The following RIN2 variants were observed in gnomAD, a reference collection of about 807,000 sequenced individuals.
RIN2 encodes the protein RAB5 interacting protein 2.
In RIN2, 36 loss-of-function variants were observed where a neutral mutation model predicts 78.0. That is an observed-to-expected ratio of 0.46 (90% CI 0.35 to 0.61). The LOEUF is 0.61. RIN2 is among the 20% of genes least tolerant of loss of function. RIN2 has a pLI of 0.00. For synonymous variants in RIN2, 466 were observed against 466.8 expected (o/e 1.00, Z 0.02); for missense variants, 1,087 against 1,159.7 (o/e 0.94, Z 0.91).
chr20:19,956,824 C>T lies in RIN2; in HGVS notation c.351+17C>T, dbSNP rs377731393. 2.3e-5 allele frequency: 36 copies of T among 1,532,588 alleles called. No individual in the cohort carries two copies. The highest frequency in any genetic ancestry group is 3.6e-4 in the Middle Eastern group (2 of 5,626). 94.9% of individuals were successfully genotyped at this position (1,532,588 alleles called of 1,614,324 possible). A position where few individuals can be genotyped will look rare whatever the true frequency, so the allele number is the denominator to read the frequency against. On this transcript the variant is annotated intron_variant, in intron 5 of 12. Coordinates refer to ENST00000255006, the MANE Select transcript of RIN2 (RefSeq NM_018993.4). ...CCTCCGGGGGTAAGACTCAGAACCTCGGGAAGCAGGTTGAAGCAGGCAGGA... is the reference window on the plus strand; with the variant it reads ...CCTCCGGGGGTAAGACTCAGAACCTTGGGAAGCAGGTTGAAGCAGGCAGGA...
chr20:19,903,473 A>C (rs1037089131), intron 3 of RIN2, among the ~76,000 whole-genome samples: 2 of 152,036 alleles, frequency 1.3e-5, no homozygotes, highest in African/African-American at 4.8e-5. Context: ...TTCTCATTCT[A>C]CTTCCAGATT....
intron 4 of RIN2, among the ~76,000 whole-genome samples, chr20:19,955,597 A>G (rs1280363805): frequency 2.0e-5 from 3 of 152,140 alleles, no homozygotes; most frequent in African/African-American, 4.8e-5. Context: ...TCAACCTCCC[A>G]AAGTGCTGGG....
intron 11 of RIN2, among the ~76,000 whole-genome samples, chr20:19,995,933 G>A (rs2042947336): frequency 1.3e-5 from 2 of 152,142 alleles, no homozygotes; most frequent in Admixed American, 6.5e-5. Flanking sequence ...ACTGGCCTTG[G>A]ATCACCTCAC....
In RIN2 at chr20:19,944,002, T is replaced by TTTA. The variant is rs1491240507; in HGVS notation, c.158+8803_158+8804insTTA. Among the ~76,000 whole-genome samples, 3 of 134,260 alleles carry TTTA rather than the reference T, an allele frequency of 2.2e-5. No individual in the cohort carries two copies. In the Admixed American group the frequency reaches 2.2e-4, roughly 10 times the overall value. The allele number at this position is 134,260 out of a possible 152,430, so 88.1% of individuals were successfully genotyped here. The stretch of plus-strand genomic sequence containing the variant: ...TTTTTTTTTTTTTTTTTTTTTTTTT[T>TTTA]ACCTATAACTAGACTCAAGTTCTGA... On this transcript the variant is annotated intron_variant, in intron 4 of 12. Transcript: ENST00000255006.
At chr20:19,958,686 T>C (rs1482297978) in intron 5 of RIN2, among the ~76,000 whole-genome samples, 1 of 152,168 alleles carries the variant, frequency 6.6e-6, no homozygotes, top group African/African-American at 2.4e-5. Flanking sequence ...CTGGCCAACA[T>C]GGCGAAACCC....
chr20:19,905,558 A>G (rs903450264), intron 3 of RIN2, among the ~76,000 whole-genome samples: 6 of 152,164 alleles, frequency 3.9e-5, no homozygotes, highest in African/African-American at 1.4e-4. Context: ...CCCCATCTCT[A>G]TTTATAAAGA....
chr20:19,980,876 T>C (rs1276793590), intron 9 of RIN2, among the ~76,000 whole-genome samples: 2 of 152,168 alleles, frequency 1.3e-5, no homozygotes, highest in Non-Finnish European at 2.9e-5. Flanking sequence ...GCCCCCACTC[T>C]CTTCTCGCAG....
intron 2 of RIN2, among the ~76,000 whole-genome samples, chr20:19,854,020 C>A (rs1316539095): frequency 3.3e-5 from 5 of 152,082 alleles, no homozygotes; most frequent in East Asian, 1.9e-4. Context: ...TAGGTCTAAC[C>A]TTTAAGTCTT....
At chr20:19,766,147 C>A (rs1015860871) in intron 1 of RIN2, among the ~76,000 whole-genome samples, 1 of 152,152 alleles carries the variant, frequency 6.6e-6, no homozygotes, top group African/African-American at 2.4e-5. Flanking sequence ...GGGCACCCAC[C>A]CATCCTCTCT....
chr20:19,799,583 T>C (rs1568762282), intron 1 of RIN2, 39 bp from the exon 2 acceptor site: 2 of 152,156 alleles, frequency 1.3e-5, no homozygotes, highest in Admixed American at 6.5e-5. Flanking sequence ...GTTTTTAATA[T>C]ACATACAAAA....
rs575679828 is a variant in RIN2 at position 19,808,653 on chromosome 20, C to T, written c.-37+8906C>T. 2.6e-3 allele frequency among the ~76,000 whole-genome samples: 403 copies of T among 152,314 alleles called. 2 individuals are homozygous for T. Among genetic ancestry groups the T allele is most frequent in the Non-Finnish European group, 4.8e-3 (329 of 68,028 alleles). ...CAGAGACAGAACACTCCGCAGGGTT[C>T]CGGTTAGCTGTCCACAGGTCACTGG... is the stretch of plus-strand genomic sequence containing the variant. On this transcript the variant is annotated intron_variant, in intron 2 of 12. Coordinates refer to ENST00000255006, the MANE Select transcript of RIN2 (RefSeq NM_018993.4).
chr20:19,820,702 G>C (rs1028033204), intron 2 of RIN2, among the ~76,000 whole-genome samples: 1 of 152,108 alleles, frequency 6.6e-6, no homozygotes, highest in Admixed American at 6.5e-5. Context: ...GGTTAGCTGG[G>C]GTTCTCTAAC....
intron 2 of RIN2, among the ~76,000 whole-genome samples, chr20:19,814,547 A>G (rs2035706819): frequency 6.6e-6 from 1 of 152,152 alleles, no homozygotes; most frequent in African/African-American, 2.4e-5. Flanking sequence ...TGTCCACCTA[A>G]ATCCTCCACC....
chr20:19,911,516 T>C (rs2039465165), intron 3 of RIN2, among the ~76,000 whole-genome samples: 2 of 152,346 alleles, frequency 1.3e-5, no homozygotes, highest in South Asian at 2.1e-4. Context: ...AAGGACATTC[T>C]CTTGCACAAA....
chr20:19,873,291 A>C (rs1011821873), intron 2 of RIN2, among the ~76,000 whole-genome samples: 2 of 151,894 alleles, frequency 1.3e-5, no homozygotes, highest in African/African-American at 4.8e-5. Flanking sequence ...CTCTTGGCTA[A>C]TTTTTTAAAG....
chr20:19,995,487 A>G (rs1055513931), intron 11 of RIN2, among the ~76,000 whole-genome samples: 8 of 152,188 alleles, frequency 5.3e-5, no homozygotes, highest in Non-Finnish European at 1.0e-4. Context: ...CGCAGAGACC[A>G]TAAGTTCCTC....
intron 9 of RIN2, among the ~76,000 whole-genome samples, chr20:19,982,974 T>C (rs767027550): frequency 3.2e-4 from 48 of 152,220 alleles, no homozygotes; most frequent in Non-Finnish European, 5.9e-4. Context: ...AAGCAAACTA[T>C]ATTGGCTGCC....
intron 2 of RIN2, among the ~76,000 whole-genome samples, chr20:19,872,507 C>T (rs1243442517): frequency 6.6e-6 from 1 of 152,176 alleles, no homozygotes; most frequent in Non-Finnish European, 1.5e-5. Context: ...GCACGTCTTA[C>T]TGCAACTTTC....
intron 2 of RIN2, among the ~76,000 whole-genome samples, chr20:19,884,370 G>A (rs1426951806): frequency 6.6e-6 from 1 of 152,156 alleles, no homozygotes; most frequent in African/African-American, 2.4e-5. Context: ...GGGGCAGTGA[G>A]CCGTGACTGC....
Sources: allele counts gnomAD v4.1 joint callset (sites outside exome capture counted in the v4.1 genomes callset), GRCh38; gene constraint gnomAD v4.1.1; transcripts MANE v1.5; gene names NCBI Gene and HGNC (gene_info 2026-07-23, HGNC 2026-07-21).